Variants in AK8 observed in about 807,000 individuals in gnomAD.
AK8 encodes adenylate kinase 8.
AK8 carries 44 observed loss-of-function variants against 54.6 expected under a neutral mutation model. The observed-to-expected ratio is 0.81, with a 90% CI of 0.63 to 1.04. The LOEUF (loss-of-function observed/expected upper bound fraction) is 1.04. Among genes scored for constraint, AK8 ranks in the 50% least tolerant of loss-of-function variants. The pLI is 0.00. For missense variants in AK8, 555 were observed against 613.6 expected (o/e 0.90, Z 1.01); for synonymous variants, 239 against 245.6 (o/e 0.97, Z 0.25).
intron 10 of AK8, 58 bp downstream of exon 10, chr9:132,814,580 A>C: frequency 4.6e-6 from 7 of 1,530,914 alleles, no homozygotes; most frequent in Non-Finnish European, 5.3e-6. Flanking sequence ...AGCCGCACAA[A>C]AAGAAAGTTC....
chr9:132,868,067 T>C (rs116722335), intron 2 of AK8, among the ~76,000 whole-genome samples: 3,394 of 152,280 alleles, frequency 0.022, 129 homozygotes, highest in African/African-American at 0.078. Flanking sequence ...CCGGTAACCT[T>C]GGCCTGGCCC....
rs761556310 is a variant in AK8 at position 132,875,187 on chromosome 9, G to C, written c.97C>G (p.Gln33Glu). ...IFELMQNMLEQLLIHQPEDPI... is the reference protein window; with the variant it reads ...IFELMQNMLEELLIHQPEDPI... ...TCTTCGGGCTGGTGGATCAGGAGTT[G>C]CTCCAGCATGTTCTGTGGGTGCAGG... Residue 33 changes from glutamine to glutamate, a missense_variant, in exon 2 of 13, where the codon CAA becomes GAA. By Grantham distance (29) the Gln-to-Glu change is conservative. Coordinates refer to ENST00000298545, the MANE Select transcript of AK8 (RefSeq NM_152572.3). 6.2e-7 allele frequency: 1 copy of C among 1,614,032 alleles called. No individual in the cohort carries two copies. The highest frequency in any genetic ancestry group is 2.2e-5 in the East Asian group (1 of 44,894).
chr9:132,744,639 TA>T (rs1044211673), intron 11 of AK8, among the ~76,000 whole-genome samples: 1 of 152,116 alleles, frequency 6.6e-6, no homozygotes, highest in African/African-American at 2.4e-5. Flanking sequence ...CCAGTGGTAT[TA>T]ATTAAGGGGG....
At chr9:132,779,157 C>T (rs781470138) in intron 11 of AK8, among the ~76,000 whole-genome samples, 3 of 152,178 alleles carry the variant, frequency 2.0e-5, no homozygotes, top group Non-Finnish European at 4.4e-5. Context: ...AGCAAATACT[C>T]TTTGAGGGTC....
chr9:132,855,683 C>T (rs148150073), intron 4 of AK8, among the ~76,000 whole-genome samples: 1 of 152,322 alleles, frequency 6.6e-6, no homozygotes, highest in African/African-American at 2.4e-5. Flanking sequence ...TTCCTTGATG[C>T]ATTCAACAAG....
At chr9:132,864,699 G>T (rs759404960) in intron 3 of AK8, among the ~76,000 whole-genome samples, 3 of 152,228 alleles carry the variant, frequency 2.0e-5, no homozygotes, top group Non-Finnish European at 2.9e-5. Flanking sequence ...AACACCAGCT[G>T]CCAGGGCCTG....
intron 4 of AK8, among the ~76,000 whole-genome samples, chr9:132,857,838 C>T (rs1206861814): frequency 6.6e-6 from 1 of 152,162 alleles, no homozygotes; most frequent in Non-Finnish European, 1.5e-5. Flanking sequence ...CTCCTGAGCG[C>T]CCCCCGCTGC....
At chr9:132,842,358 A>T (rs929699793) in intron 5 of AK8, among the ~76,000 whole-genome samples, 4 of 150,374 alleles carry the variant, frequency 2.7e-5, no homozygotes, top group African/African-American at 1.0e-4. Context: ...CATTCATTCT[A>T]TAAATATTTA....
chr9:132,867,131 C>T (rs2526009), intron 2 of AK8, among the ~76,000 whole-genome samples, 178 bp from the exon 3 acceptor site: 103,081 of 151,948 alleles, frequency 0.68, 35,405 homozygotes, highest in South Asian at 0.81. Context: ...TCTCTGTGTT[C>T]AGAGAGGTAA....
chr9:132,731,658 G>A (rs1257059739), intron 11 of AK8, among the ~76,000 whole-genome samples: 1 of 152,208 alleles, frequency 6.6e-6, no homozygotes, highest in Admixed American at 6.5e-5. Context: ...AACTTCCTCA[G>A]TAAATGACGA....
chr9:132,852,369 G>A (rs1315775575), intron 5 of AK8, among the ~76,000 whole-genome samples: 1 of 152,194 alleles, frequency 6.6e-6, no homozygotes, highest in African/African-American at 2.4e-5. Context: ...CGGCACTTTG[G>A]AAGGTCGAGG....
intron 10 of AK8, among the ~76,000 whole-genome samples, chr9:132,807,458 T>G (rs366255): frequency 6.6e-6 from 1 of 152,066 alleles, no homozygotes; most frequent in African/African-American, 2.4e-5. Context: ...GGACAAGATC[T>G]GCCTTTGGCT....
intron 5 of AK8, among the ~76,000 whole-genome samples, chr9:132,830,775 A>G (rs897381970): frequency 6.6e-6 from 1 of 152,180 alleles, no homozygotes; most frequent in Non-Finnish European, 1.5e-5. Flanking sequence ...TTAACACACC[A>G]GTTTGTGGCC....
At chr9:132,876,519 C>T (rs891147300) in intron 1 of AK8, among the ~76,000 whole-genome samples, 3 of 152,068 alleles carry the variant, frequency 2.0e-5, no homozygotes, top group African/African-American at 7.2e-5. Flanking sequence ...GAACTGTATG[C>T]ACAACAAAAA....
intron 11 of AK8, among the ~76,000 whole-genome samples, chr9:132,742,749 A>G (rs1450420308): frequency 1.3e-5 from 2 of 152,232 alleles, no homozygotes; most frequent in African/African-American, 4.8e-5. Context: ...CAAGACACTT[A>G]ATATGTAATA....
At chr9:132,852,661 T>C (rs866420690) in intron 5 of AK8, among the ~76,000 whole-genome samples, 3 of 137,674 alleles carry the variant, frequency 2.2e-5, no homozygotes, top group South Asian at 4.5e-4. Flanking sequence ...CTCCAGCTAA[T>C]GGGGAGGCTG....
intron 10 of AK8, among the ~76,000 whole-genome samples, chr9:132,802,257 C>G (rs1840494859): frequency 6.6e-6 from 1 of 152,160 alleles, no homozygotes; most frequent in African/African-American, 2.4e-5. Flanking sequence ...TCAAGCCTTC[C>G]CCGGTGTGGT....
chr9:132,746,617 C>T (rs770659681), intron 11 of AK8, among the ~76,000 whole-genome samples: 2 of 152,252 alleles, frequency 1.3e-5, no homozygotes, highest in Non-Finnish European at 1.5e-5. Context: ...CCATCACTTT[C>T]CTCTTCCACA....
chr9:132,841,453 T>C (rs191412773), intron 5 of AK8, among the ~76,000 whole-genome samples: 4 of 152,332 alleles, frequency 2.6e-5, no homozygotes, highest in Non-Finnish European at 5.9e-5. Context: ...CATGAAAACA[T>C]TTCTTTTTTT....
Sources: allele counts gnomAD v4.1 joint callset (sites outside exome capture counted in the v4.1 genomes callset), GRCh38; gene constraint gnomAD v4.1.1; transcripts MANE v1.5; gene names NCBI Gene and HGNC (gene_info 2026-07-23, HGNC 2026-07-21).